The following PPARGC1A variants were observed in gnomAD, a reference collection of about 807,000 sequenced individuals.
PPARGC1A encodes the protein PPARG coactivator 1 alpha.
In PPARGC1A, 25 loss-of-function variants were observed where a neutral mutation model predicts 88.7. That is an observed-to-expected ratio of 0.28 (90% CI 0.21 to 0.39). The LOEUF (loss-of-function observed/expected upper bound fraction) is 0.39, where lower values mean the gene tolerates loss of function less well. PPARGC1A is among the 10% of genes least tolerant of loss of function. The pLI, the probability that PPARGC1A is intolerant of heterozygous loss-of-function variation, is 1.00. For synonymous variants in PPARGC1A, 363 were observed against 355.6 expected, an observed-to-expected ratio of 1.02 and a Z score of -0.24; for missense variants, 880 against 968.7, an observed-to-expected ratio of 0.91 and a Z score of 1.22.
chr4:24,018,290 C>G, the PPARGC1A span, among the ~76,000 whole-genome samples: 913 of 152,264 alleles, frequency 6.0e-3, 5 homozygotes, highest in Non-Finnish European at 0.011. Flanking sequence ...TGAACAGGTA[C>G]AGTTTTCTTT....
chr4:24,284,309 AAAAC>A, the PPARGC1A span, among the ~76,000 whole-genome samples: 282 of 152,128 alleles, frequency 1.9e-3, 1 homozygote, highest in Middle Eastern at 6.8e-3. Flanking sequence ...ACTCCATCTC[AAAAC>A]AAACAAACAA....
At chr4:24,243,681 AAG>A in the PPARGC1A span, among the ~76,000 whole-genome samples, 1 of 152,174 alleles carries the variant, frequency 6.6e-6, no homozygotes, top group African/African-American at 2.4e-5. Context: ...TGAAGGCTGA[AAG>A]AGAGATGTCA....
At chr4:24,091,651 T>C in the PPARGC1A span, 2 of 984,620 alleles carry the variant, frequency 2.0e-6, no homozygotes, top group Non-Finnish European at 2.4e-6. Context: ...ATGGAGAAAA[T>C]GCCATGCCAG....
chr4:24,357,773 G>A, the PPARGC1A span, among the ~76,000 whole-genome samples: 1 of 152,154 alleles, frequency 6.6e-6, no homozygotes, highest in Non-Finnish European at 1.5e-5. Flanking sequence ...GGTTTTTTAA[G>A]GGGAAACCCC....
At chr4:23,845,767 A>T (rs1009145214) in intron 2 of PPARGC1A, among the ~76,000 whole-genome samples, 1 of 152,176 alleles carries the variant, frequency 6.6e-6, no homozygotes, top group Non-Finnish European at 1.5e-5. Flanking sequence ...CAATATGAGA[A>T]GTTCATCTTC....
At chr4:24,454,383 T>A in the PPARGC1A span, among the ~76,000 whole-genome samples, 1 of 151,992 alleles carries the variant, frequency 6.6e-6, no homozygotes, top group African/African-American at 2.4e-5. Context: ...GTATGTGGGA[T>A]AAATATTGTT....
At chr4:24,024,065 T>C in the PPARGC1A span, among the ~76,000 whole-genome samples, 31,048 of 152,092 alleles carry the variant, frequency 0.2, 3,731 homozygotes, top group East Asian at 0.31. Context: ...CTAAAAGTAA[T>C]GGGACAACCC....
chr4:24,317,180 C>G, the PPARGC1A span, among the ~76,000 whole-genome samples: 1 of 151,978 alleles, frequency 6.6e-6, no homozygotes. Flanking sequence ...TACCCTTAAC[C>G]ATTGCAACTC....
chr4:24,358,646 G>A, the PPARGC1A span, among the ~76,000 whole-genome samples: 47 of 152,216 alleles, frequency 3.1e-4, no homozygotes, highest in African/African-American at 1.1e-3. Flanking sequence ...GTCTTTTCAC[G>A]TGGTCTTACA....
the PPARGC1A span, among the ~76,000 whole-genome samples, chr4:23,976,857 C>T: frequency 2.0e-5 from 3 of 152,134 alleles, no homozygotes; most frequent in African/African-American, 7.2e-5. Flanking sequence ...GTTTAAGCCA[C>T]TAGGCCTGTG....
At chr4:23,811,737 A>G (rs1460222412) in intron 10 of PPARGC1A, among the ~76,000 whole-genome samples, 1 of 152,170 alleles carries the variant, frequency 6.6e-6, no homozygotes, top group Non-Finnish European at 1.5e-5. Context: ...ATCTTTACAC[A>G]GAAGGGTCAG....
the PPARGC1A span, among the ~76,000 whole-genome samples, chr4:24,305,094 T>G: frequency 3.9e-3 from 589 of 150,010 alleles, 4 homozygotes; most frequent in African/African-American, 0.014. Flanking sequence ...GGTGGTTGTT[T>G]GGGGCACTGT....
At chr4:23,889,544 T>G (rs1343965486) in intron 1 of PPARGC1A, among the ~76,000 whole-genome samples, 2 of 152,192 alleles carry the variant, frequency 1.3e-5, no homozygotes, top group Non-Finnish European at 2.9e-5. Flanking sequence ...AAATGGCATT[T>G]TTCCAACCAG....
At chr4:23,990,557 G>T in the PPARGC1A span, among the ~76,000 whole-genome samples, 1 of 151,986 alleles carries the variant, frequency 6.6e-6, no homozygotes, top group Admixed American at 6.6e-5. Context: ...TTTTATCACC[G>T]TAAGAACTCT....
the PPARGC1A span, among the ~76,000 whole-genome samples, chr4:23,996,969 T>A: frequency 6.6e-6 from 1 of 152,182 alleles, no homozygotes; most frequent in African/African-American, 2.4e-5. Context: ...GAGTTTGGTG[T>A]TCATTAAGAC....
At chr4:24,421,701 G>A in the PPARGC1A span, among the ~76,000 whole-genome samples, 1 of 152,188 alleles carries the variant, frequency 6.6e-6, no homozygotes, top group African/African-American at 2.4e-5. Flanking sequence ...CTCAGCCACT[G>A]CCTCCATGAT....
At chr4:23,999,550 G>A in the PPARGC1A span, among the ~76,000 whole-genome samples, 103 of 152,272 alleles carry the variant, frequency 6.8e-4, 2 homozygotes, top group East Asian at 0.017. Flanking sequence ...GAAATAAGAC[G>A]AAGAAACAAG....
chr4:23,980,918 G>A, the PPARGC1A span, among the ~76,000 whole-genome samples: 1 of 152,150 alleles, frequency 6.6e-6, no homozygotes, highest in Non-Finnish European at 1.5e-5. Flanking sequence ...AGGTATGAAT[G>A]CATAAGGTCC....
rs984209243 is a variant in PPARGC1A, at chr4:23,795,703, G to C, written c.*119C>G. ...ATTGTTGTTGTTTTGTTTTGTTTTT[G>C]TACAGAGAGTGTAAAGTAGGAGAAA... On this transcript the variant is annotated 3_prime_UTR_variant, in exon 13 of 13. Transcript: ENST00000264867. The C allele has an allele frequency of 7.3e-6, 5 of 683,508 alleles. No individual in the cohort carries two copies. The highest frequency in any genetic ancestry group is 1.2e-5 in the Non-Finnish European group (5 of 413,412). The allele number at this position is 683,508 out of a possible 1,614,324, so 42.3% of individuals were successfully genotyped here. A position where few individuals can be genotyped will look rare whatever the true frequency, so the allele number is the denominator to read the frequency against.
Sources: allele counts gnomAD v4.1 joint callset (sites outside exome capture counted in the v4.1 genomes callset), GRCh38; gene constraint gnomAD v4.1.1; transcripts MANE v1.5; gene names NCBI Gene and HGNC (gene_info 2026-07-23, HGNC 2026-07-21).